ZFHX4: variants seen among roughly 807,000 people sequenced by gnomAD.
ZFHX4 encodes the protein zinc finger homeobox protein 4.
Under a neutral mutation model 267.6 loss-of-function variants are expected in ZFHX4, and 56 were observed. The observed-to-expected ratio is 0.21, with a 90% confidence interval of 0.17 to 0.26. ZFHX4 has a LOEUF of 0.26. ZFHX4 is among the 10% of genes least tolerant of loss of function. ZFHX4 has a pLI of 1.00. For synonymous variants in ZFHX4, 1,778 were observed against 1,665.6 expected (o/e 1.07, Z -1.64); for missense variants, 4,332 against 4,420.0 (o/e 0.98, Z 0.56).
chr8:76,787,108 A>C (rs894355148), intron 4 of ZFHX4, among the ~76,000 whole-genome samples: 10 of 152,180 alleles, frequency 6.6e-5, no homozygotes, highest in African/African-American at 2.4e-4. Flanking sequence ...TCAAATCAAC[A>C]AAACAACAAA....
At chr8:76,809,393 A>G (rs1215359793) in intron 4 of ZFHX4, among the ~76,000 whole-genome samples, 1 of 152,178 alleles carries the variant, frequency 6.6e-6, no homozygotes, top group Non-Finnish European at 1.5e-5. Flanking sequence ...CTTAAGCATA[A>G]CAGCACATAG....
intron 3 of ZFHX4, among the ~76,000 whole-genome samples, chr8:76,715,914 T>C (rs529948580): frequency 6.6e-6 from 1 of 152,312 alleles, no homozygotes; most frequent in South Asian, 2.1e-4. Context: ...CTTCTGTTGC[T>C]TAAGGGGTTA....
At chr8:76,746,718 C>A (rs895511629) in intron 3 of ZFHX4, among the ~76,000 whole-genome samples, 1 of 152,140 alleles carries the variant, frequency 6.6e-6, no homozygotes, top group Admixed American at 6.5e-5. Flanking sequence ...ATGAAAGAGT[C>A]TTTACATGTG....
At chr8:76,786,846 C>T (rs1000522766) in intron 4 of ZFHX4, among the ~76,000 whole-genome samples, 3 of 152,114 alleles carry the variant, frequency 2.0e-5, no homozygotes, top group African/African-American at 7.2e-5. Context: ...TTTTGAGGTT[C>T]GGAGGTTCAG....
intron 10 of ZFHX4, 75 bp downstream of exon 10, chr8:76,856,375 G>A (rs756690785): frequency 1.7e-5 from 26 of 1,526,484 alleles, no homozygotes; most frequent in Non-Finnish European, 2.2e-5. Flanking sequence ...ACCAAGAACG[G>A]GGTGCCTTTG....
chr8:76,739,681 G>A (rs887239657), intron 3 of ZFHX4, among the ~76,000 whole-genome samples: 5 of 152,060 alleles, frequency 3.3e-5, no homozygotes, highest in African/African-American at 7.2e-5. Flanking sequence ...ATGAAAGCAT[G>A]AATAATTCCA....
At chr8:76,772,918 T>C (rs1810305179) in intron 3 of ZFHX4, among the ~76,000 whole-genome samples, 1 of 152,186 alleles carries the variant, frequency 6.6e-6, no homozygotes, top group Admixed American at 6.6e-5. Flanking sequence ...AGTTTACTTC[T>C]TTGGGAAAGT....
In ZFHX4 at chr8:76,853,924, T is replaced by A; in HGVS notation, c.7003T>A (p.Cys2335Ser). 6.2e-7 allele frequency: 1 copy of A among 1,613,818 alleles called. No individual in the cohort carries two copies. ...CTTGATTACGCATCAGAAAAAGCAG[T>A]GTTACAAGGATGAAGATGATGATGC... Reference protein sequence around the residue: ...FDLITHQKKQCYKDEDDDAQD... With the variant: ...FDLITHQKKQSYKDEDDDAQD... Residue 2335 changes from cysteine to serine, a missense_variant, in exon 10 of 11, where the codon TGT becomes AGT. By Grantham distance (112) the Cys-to-Ser change is moderately radical (BLOSUM62 -1). Transcript: ENST00000651372.
At chr8:76,813,073 T>G (rs185322781) in intron 4 of ZFHX4, among the ~76,000 whole-genome samples, 14 of 152,296 alleles carry the variant, frequency 9.2e-5, no homozygotes, top group African/African-American at 3.4e-4. Context: ...TAATATCATA[T>G]ACATATGCAT....
chr8:76,732,685 A>G (rs1236625411), intron 3 of ZFHX4, among the ~76,000 whole-genome samples: 1 of 152,218 alleles, frequency 6.6e-6, no homozygotes, highest in Non-Finnish European at 1.5e-5. Context: ...TTTTGAAAGC[A>G]TGACTTCCTA....
chr8:76,821,751 G>A (rs1272280508), intron 4 of ZFHX4, among the ~76,000 whole-genome samples: 1 of 152,070 alleles, frequency 6.6e-6, no homozygotes, highest in African/African-American at 2.4e-5. Context: ...CTGTATTTTT[G>A]TTTTTACCAG....
Position 76,853,411 on chromosome 8 carries a change from G to A in ZFHX4, c.6490G>A (p.Glu2164Lys). Reference sequence around the variant, plus strand: ...TGAAGAACAGATCCAGGAAATGGCAGAGAAATCTGGCCTCTCCCAAAAAGT... The same window carrying A: ...TGAAGAACAGATCCAGGAAATGGCAAAGAAATCTGGCCTCTCCCAAAAAGT... ...PSEEQIQEMAEKSGLSQKVIK... is the reference protein window; with the variant it reads ...PSEEQIQEMAKKSGLSQKVIK... Residue 2164 changes from glutamate to lysine, a missense_variant, in exon 10 of 11, where the codon GAG (glutamate) becomes AAG (lysine). This residue lies in a region of ZFHX4 where 48 missense variants were observed against 95.4 expected (regional missense o/e 0.50). Transcript: ENST00000651372. 1.9e-6 allele frequency: 3 copies of A among 1,613,868 alleles called. No individual in the cohort carries two copies. Among genetic ancestry groups the A allele is most frequent in the Non-Finnish European group, 2.5e-6 (3 of 1,179,876 alleles).
intron 4 of ZFHX4, among the ~76,000 whole-genome samples, chr8:76,819,464 T>C (rs962126318): frequency 1.3e-5 from 2 of 152,142 alleles, no homozygotes; most frequent in Admixed American, 1.3e-4. Flanking sequence ...TATGTACTCC[T>C]TGAATATGTA....
At chr8:76,740,006 C>T (rs1436751466) in intron 3 of ZFHX4, among the ~76,000 whole-genome samples, 1 of 151,968 alleles carries the variant, frequency 6.6e-6, no homozygotes, top group African/African-American at 2.4e-5. Context: ...ATTTGGGTTG[C>T]AACAGAAAAT....
At chr8:76,732,926 T>C (rs1208863331) in intron 3 of ZFHX4, among the ~76,000 whole-genome samples, 1 of 152,154 alleles carries the variant, frequency 6.6e-6, no homozygotes, top group Non-Finnish European at 1.5e-5. Flanking sequence ...GCTGCTTTTC[T>C]AAAGAAGCAC....
intron 6 of ZFHX4, among the ~76,000 whole-genome samples, chr8:76,847,345 T>C (rs1282891600): frequency 1.3e-5 from 2 of 152,146 alleles, no homozygotes; most frequent in East Asian, 3.9e-4. Flanking sequence ...TTTAAATCAG[T>C]GTAATGAAAC....
At chr8:76,723,285 T>G (rs1268462756) in intron 3 of ZFHX4, among the ~76,000 whole-genome samples, 1 of 151,966 alleles carries the variant, frequency 6.6e-6, no homozygotes, top group African/African-American at 2.4e-5. Flanking sequence ...GGGCTCTGAG[T>G]TACCATTAGA....
intron 4 of ZFHX4, among the ~76,000 whole-genome samples, chr8:76,779,690 G>T (rs965646640): frequency 2.6e-5 from 4 of 152,048 alleles, no homozygotes; most frequent in African/African-American, 9.7e-5. Context: ...TTTTTATTGA[G>T]ACATTTCTTT....
intron 8 of ZFHX4, 142 bp from the exon 9 acceptor site, chr8:76,850,103 T>C (rs1401185514): frequency 4.6e-6 from 3 of 652,028 alleles, no homozygotes; most frequent in East Asian, 2.7e-5. Context: ...AGGTGTGGCA[T>C]TGATCTGTAA....
Sources: allele counts gnomAD v4.1 joint callset (sites outside exome capture counted in the v4.1 genomes callset), GRCh38; gene constraint gnomAD v4.1.1; regional missense constraint gnomAD v4.1.1; transcripts MANE v1.5; gene names NCBI Gene and HGNC (gene_info 2026-07-23, HGNC 2026-07-21).